GRSF1: variants seen among roughly 807,000 people sequenced by gnomAD.
GRSF1 encodes the protein G-rich sequence factor 1.
Under a neutral mutation model 51.1 loss-of-function variants are expected in GRSF1, and 50 were observed. That is an observed-to-expected ratio of 0.98 (90% CI 0.78 to 1.24). GRSF1 has a LOEUF of 1.24. Ranked by LOEUF, GRSF1 falls within the 50% of genes most tolerant of loss-of-function variation. The pLI is 0.00. For missense variants in GRSF1, 700 were observed against 639.7 expected, an observed-to-expected ratio of 1.09 and a Z score of -1.02; for synonymous variants, 293 against 253.3, an observed-to-expected ratio of 1.16 and a Z score of -1.49.
chr4:70,838,219 C>CAGA, intron 1 of GRSF1, among the ~76,000 whole-genome samples: 2 of 94,604 alleles, frequency 2.1e-5, no homozygotes, highest in South Asian at 8.5e-4. Flanking sequence ...ACTCGGTCTC[C>CAGA]AAAAAAAAAA....
upstream of GRSF1, among the ~76,000 whole-genome samples, chr4:70,840,905 G>A (rs892335829): frequency 7.2e-5 from 11 of 152,178 alleles, no homozygotes; most frequent in Non-Finnish European, 1.3e-4. Context: ...GAAAGGAATT[G>A]TGATACCTTG....
At chr4:70,836,121 A>T in intron 2 of GRSF1, 37 bp downstream of exon 2, 1 of 1,229,102 alleles carries the variant, frequency 8.1e-7, no homozygotes, top group South Asian at 1.8e-5. Flanking sequence ...CAATATAAGG[A>T]AAAAAAATAA....
At chr4:70,830,322 A>G (rs1283883192) in intron 5 of GRSF1, among the ~76,000 whole-genome samples, 10 of 151,774 alleles carry the variant, frequency 6.6e-5, no homozygotes, top group Admixed American at 6.6e-4. Context: ...GCACATGCCT[A>G]TTGTTCTAGC....
rs1349507793 is a variant in GRSF1 at position 70,839,473 on chromosome 4, G to A, written c.355C>T (p.Gln119Ter). ...AAAVPTRSYS[Q>*]ESKTTYLEDL... is the part of the protein sequence containing the mutation. The stretch of plus-strand genomic sequence containing the variant: ...GGTCCCTCACGGCGCCCACGTACCT[G>A]GCTGTAGCTGCGCGTCGGGACGGCG... Residue 119 changes from glutamine to a stop codon, truncating the protein, a stop_gained and splice_region_variant, in exon 1 of 10, where the codon CAG becomes TAG. Coordinates refer to ENST00000254799, the MANE Select transcript of GRSF1 (RefSeq NM_002092.4). LOFTEE classifies it high-confidence loss of function. The A allele has an allele frequency of 1.6e-5, 23 of 1,439,528 alleles. No homozygotes were observed. Among genetic ancestry groups the A allele is most frequent in the Non-Finnish European group, 2.1e-5 (23 of 1,104,696 alleles). 89.2% of individuals were successfully genotyped at this position (1,439,528 alleles called of 1,614,324 possible). A position where few individuals can be genotyped will look rare whatever the true frequency, so the allele number is the denominator to read the frequency against.
At chr4:70,831,733 C>T (rs181548745) in intron 4 of GRSF1, 59 bp from the exon 5 acceptor site, 2 of 1,427,654 alleles carry the variant, frequency 1.4e-6, no homozygotes, top group African/African-American at 1.4e-5. Flanking sequence ...AGAATTAACA[C>T]CATCATTCAC....
rs7686412 is a variant in GRSF1 at position 70,818,741 on chromosome 4, G to A, written c.*2146C>T. The A allele has an allele frequency of 0.99, 150,538 of 152,288 alleles. 74,422 individuals carry two copies. Among genetic ancestry groups the A allele is most frequent in the Middle Eastern group, 1 (294 of 294 alleles). The allele number at this position is 152,288 out of a possible 1,614,324, so 9.4% of individuals were successfully genotyped here. A position where few individuals can be genotyped will look rare whatever the true frequency, so the allele number is the denominator to read the frequency against. On this transcript the variant is annotated 3_prime_UTR_variant, in exon 10 of 10. Transcript: ENST00000254799. The stretch of plus-strand genomic sequence containing the variant: ...CAGGATATGAGCACCCTGACCATAT[G>A]CCCCACTCCCACTATTCTTCCTGAT...
In GRSF1 at chr4:70,833,074, C is replaced by A. The variant is rs1376720644; in HGVS notation, c.670+44G>T. On this transcript the variant is annotated intron_variant, in intron 3 of 9. Transcript: ENST00000254799. ...AAAAACTACCTTGAAAAGTATAAAA[C>A]CTAATGCAATGATCCCAAAAAGCCA... The A allele has an allele frequency of 3.2e-6, 5 of 1,570,258 alleles. No homozygotes were observed. The African/African-American group carries it at 6.8e-5, about 21-fold the overall frequency.
intron 5 of GRSF1, among the ~76,000 whole-genome samples, chr4:70,830,836 G>A (rs779979843): frequency 1.4e-4 from 21 of 151,794 alleles, no homozygotes; most frequent in Admixed American, 7.2e-4. Flanking sequence ...AAAAAAAAAG[G>A]CTATTTTTGG....
chr4:70,839,267 AAGC>A, intron 1 of GRSF1: 1 of 1,487,978 alleles, frequency 6.7e-7, no homozygotes, highest in Non-Finnish European at 9.0e-7. Context: ...AGAACAAAAC[AAGC>A]AGAAGACCCG....
intron 5 of GRSF1, 84 bp from the exon 6 acceptor site, chr4:70,828,120 A>T: frequency 1.0e-6 from 1 of 958,026 alleles, no homozygotes. Flanking sequence ...TGTATACATT[A>T]TATTTCCAAC....
chr4:70,838,656 C>A (rs570171945), intron 1 of GRSF1, among the ~76,000 whole-genome samples: 2 of 152,304 alleles, frequency 1.3e-5, no homozygotes, highest in East Asian at 3.9e-4. Flanking sequence ...GAGAAAGGTT[C>A]ATCTACAAAG....
intron 1 of GRSF1, chr4:70,839,205 A>G: frequency 7.1e-7 from 1 of 1,417,178 alleles, no homozygotes; most frequent in South Asian, 1.2e-5. Flanking sequence ...CAAGGCCTCA[A>G]CATTCACCCC....
At chr4:70,831,424 A>G in intron 5 of GRSF1, 115 bp downstream of exon 5, 1 of 909,396 alleles carries the variant, frequency 1.1e-6, no homozygotes, top group Non-Finnish European at 1.7e-6. Context: ...ATGGCTCACT[A>G]CACTACTCTC....
chr4:70,825,632 A>G, intron 7 of GRSF1: 1 of 400,810 alleles, frequency 2.5e-6, no homozygotes, highest in Non-Finnish European at 4.4e-6. Flanking sequence ...TCAAAGTGAC[A>G]TTTCAAATAT....
At chr4:70,825,589 T>C (rs1487975762) in intron 7 of GRSF1, 158 bp from the exon 8 acceptor site, 2 of 477,068 alleles carry the variant, frequency 4.2e-6, no homozygotes, top group Non-Finnish European at 7.2e-6. Flanking sequence ...ATATATCTAG[T>C]ATGTCTTCTG....
At chr4:70,838,219 C>CA (rs35303311) in intron 1 of GRSF1, among the ~76,000 whole-genome samples, 44,006 of 94,366 alleles carry the variant, frequency 0.47, 12,802 homozygotes, top group East Asian at 0.6. Context: ...ACTCGGTCTC[C>CA]AAAAAAAAAA....
rs1733308340 is a variant in GRSF1, at chr4:70,816,376, C to T, written c.*4511G>A. On this transcript the variant is annotated 3_prime_UTR_variant, in exon 10 of 10. Coordinates refer to ENST00000254799, the MANE Select transcript of GRSF1 (RefSeq NM_002092.4). ...AAAAAAAAAAAAAAAGAAAAAACCT[C>T]ATCAAATGATACACTTAACATTTAT... The T allele has an allele frequency of 2.7e-5, 4 of 149,364 alleles. No individual in the cohort carries two copies. The South Asian group carries it at 8.5e-4, about 32-fold the overall frequency. 9.3% of individuals were successfully genotyped at this position (149,364 alleles called of 1,614,324 possible).
chr4:70,825,870 T>G, intron 7 of GRSF1: 1 of 364,068 alleles, frequency 2.7e-6, no homozygotes. Context: ...AGGCAGAGGT[T>G]GCAGTGAGCC....
chr4:70,821,514 G>A (rs1048315682), intron 9 of GRSF1, among the ~76,000 whole-genome samples: 3 of 151,618 alleles, frequency 2.0e-5, no homozygotes, highest in Admixed American at 2.0e-4. Context: ...ACTGAGGCAG[G>A]AGAATCGCTT....
Sources: allele counts gnomAD v4.1 joint callset (sites outside exome capture counted in the v4.1 genomes callset), GRCh38; gene constraint gnomAD v4.1.1; transcripts MANE v1.5; gene names NCBI Gene and HGNC (gene_info 2026-07-23, HGNC 2026-07-21).